ANKS1B: variants seen among roughly 807,000 people sequenced by gnomAD.
ANKS1B encodes the protein ankyrin repeat and sterile alpha motif domain containing 1B.
Under a neutral mutation model 148.3 loss-of-function variants are expected in ANKS1B, and 36 were observed. That is an observed-to-expected ratio of 0.24 (90% CI 0.19 to 0.32). The LOEUF is 0.32. ANKS1B is among the 10% of genes least tolerant of loss of function. The pLI, the probability that ANKS1B is intolerant of heterozygous loss-of-function variation, is 1.00. For synonymous variants in ANKS1B, 542 were observed against 560.8 expected (o/e 0.97, Z 0.47); for missense variants, 1,157 against 1,542.6 (o/e 0.75, Z 4.19).
At chr12:99,482,118 A>G (rs900893331) in intron 10 of ANKS1B, among the ~76,000 whole-genome samples, 1 of 151,950 alleles carries the variant, frequency 6.6e-6, no homozygotes, top group African/African-American at 2.4e-5. Context: ...TGATGTCTAC[A>G]TAAGATTTTT....
intron 8 of ANKS1B, among the ~76,000 whole-genome samples, chr12:99,710,321 T>C (rs1020729867): frequency 6.6e-6 from 1 of 152,162 alleles, no homozygotes; most frequent in African/African-American, 2.4e-5. Context: ...ACCATCAAGA[T>C]ATACATAATT....
At chr12:98,993,155 T>C (rs976841447) in intron 17 of ANKS1B, among the ~76,000 whole-genome samples, 3 of 152,300 alleles carry the variant, frequency 2.0e-5, no homozygotes, top group African/African-American at 7.2e-5. Context: ...GATTCTTTTT[T>C]TAAAAATTTA....
intron 8 of ANKS1B, among the ~76,000 whole-genome samples, chr12:99,729,051 A>G (rs2058884912): frequency 6.6e-6 from 1 of 152,362 alleles, no homozygotes; most frequent in Non-Finnish European, 1.5e-5. Context: ...GCAGTGGTCT[A>G]TAACTGAATC....
chr12:99,973,813 T>C (rs2095591190), intron 1 of ANKS1B, among the ~76,000 whole-genome samples: 3 of 152,200 alleles, frequency 2.0e-5, no homozygotes, highest in Admixed American at 2.0e-4. Flanking sequence ...AGTTGCTTCT[T>C]ATGGATAAGC....
chr12:99,528,426 C>CAAAAACAAAAAA (rs370565801), intron 9 of ANKS1B, among the ~76,000 whole-genome samples: 1 of 117,022 alleles, frequency 8.5e-6, no homozygotes, highest in Non-Finnish European at 1.8e-5. Context: ...AGAACAAAAA[C>CAAAAACAAAAAA]AAAAACAAAA....
In ANKS1B at chr12:99,425,392, T is replaced by C. The variant is rs114893519; in HGVS notation, c.1575+18281A>G. ...TTTTCTGTTATAAATAGTAGTACAA[T>C]GAATTATTTTACAGAATTGTTTCCT... On this transcript the variant is annotated intron_variant, in intron 11 of 26. Coordinates refer to ENST00000683438, the MANE Select transcript of ANKS1B (RefSeq NM_001352186.2). Among the ~76,000 whole-genome samples the C allele has an allele frequency of 8.8e-3, 1,337 of 152,086 alleles. 25 individuals carry two copies. Among genetic ancestry groups the C allele is most frequent in the African/African-American group, 0.03 (1,267 of 41,546 alleles).
intron 1 of ANKS1B, among the ~76,000 whole-genome samples, chr12:99,981,094 C>A (rs2095695664): frequency 6.6e-6 from 1 of 151,958 alleles, no homozygotes; most frequent in Admixed American, 6.6e-5. Flanking sequence ...GTCATTAAGG[C>A]CTTAAAGAAT....
intron 14 of ANKS1B, among the ~76,000 whole-genome samples, chr12:99,163,724 T>C (rs769082689): frequency 6.6e-6 from 1 of 152,172 alleles, no homozygotes; most frequent in Admixed American, 6.5e-5. Context: ...TCATATATTA[T>C]GTAACATTTT....
chr12:99,191,703 A>G (rs149864621), intron 14 of ANKS1B, among the ~76,000 whole-genome samples: 2,233 of 152,194 alleles, frequency 0.015, 62 homozygotes, highest in African/African-American at 0.051. Flanking sequence ...GGGAGTAGGG[A>G]ACTAGGGGAG....
chr12:99,289,432 G>A (rs545674778), intron 12 of ANKS1B, among the ~76,000 whole-genome samples: 55 of 151,946 alleles, frequency 3.6e-4, no homozygotes, highest in Non-Finnish European at 7.5e-4. Context: ...TCATAGATAT[G>A]TACAAAACAT....
chr12:99,479,617 A>C (rs542766284), intron 10 of ANKS1B, among the ~76,000 whole-genome samples: 21 of 151,986 alleles, frequency 1.4e-4, no homozygotes, highest in Non-Finnish European at 1.8e-4. Context: ...AAGTTAAACA[A>C]ACCAGGCACA....
At chr12:99,940,081 T>C (rs956531078) in intron 1 of ANKS1B, among the ~76,000 whole-genome samples, 1 of 152,192 alleles carries the variant, frequency 6.6e-6, no homozygotes, top group Non-Finnish European at 1.5e-5. Context: ...AGTAAATGCA[T>C]AAGCACATTT....
chr12:99,531,751 T>C (rs1360589954), intron 9 of ANKS1B, among the ~76,000 whole-genome samples: 1 of 152,216 alleles, frequency 6.6e-6, no homozygotes, highest in Non-Finnish European at 1.5e-5. Flanking sequence ...ATGGTAGATG[T>C]GCTTTTAGTT....
chr12:99,931,288 A>T (rs1000736118), intron 1 of ANKS1B, among the ~76,000 whole-genome samples: 4 of 152,278 alleles, frequency 2.6e-5, no homozygotes, highest in Non-Finnish European at 5.9e-5. Context: ...ACATGTATAC[A>T]TATGTAACAA....
chr12:99,499,228 C>T (rs1358250928), intron 10 of ANKS1B, among the ~76,000 whole-genome samples: 1 of 152,082 alleles, frequency 6.6e-6, no homozygotes, highest in Non-Finnish European at 1.5e-5. Flanking sequence ...CAAAATTTCC[C>T]TTTAAATTCT....
chr12:99,461,014 G>A (rs1304196560), intron 10 of ANKS1B, among the ~76,000 whole-genome samples: 4 of 151,750 alleles, frequency 2.6e-5, no homozygotes, highest in East Asian at 3.9e-4. Context: ...ATCAATCAAC[G>A]AGTGGATAAA....
chr12:99,449,060 C>A (rs1033749801), intron 10 of ANKS1B, among the ~76,000 whole-genome samples: 3 of 151,924 alleles, frequency 2.0e-5, no homozygotes, highest in African/African-American at 7.2e-5. Flanking sequence ...GCTATCAAAC[C>A]ATTTTCTTAA....
chr12:99,355,511 G>T (rs1463608258), intron 12 of ANKS1B, among the ~76,000 whole-genome samples: 2 of 152,066 alleles, frequency 1.3e-5, no homozygotes, highest in African/African-American at 4.8e-5. Context: ...ATATTATTCA[G>T]AATTAGATAA....
At chr12:98,823,929 A>G (rs548167832) in intron 19 of ANKS1B, among the ~76,000 whole-genome samples, 93 of 152,390 alleles carry the variant, frequency 6.1e-4, no homozygotes, top group African/African-American at 2.2e-3. Context: ...GGAAAAGTAT[A>G]TAAGAGGAGA....
Sources: gnomAD v4.1 joint callset for allele counts (sites outside exome capture counted in the v4.1 genomes callset) on GRCh38, gnomAD v4.1.1 for gene constraint, MANE v1.5 for transcripts, NCBI Gene and HGNC (gene_info 2026-07-23, HGNC 2026-07-21) for gene names.